IGF1R: variants seen among roughly 807,000 people sequenced by gnomAD.
The protein encoded by IGF1R is insulin like growth factor 1 receptor.
Under a neutral mutation model 144.6 loss-of-function variants are expected in IGF1R, and 44 were observed. The ratio of observed to expected loss-of-function variants is 0.30; its 90% confidence interval spans 0.24 to 0.39. The LOEUF is 0.39. Among genes scored for constraint, IGF1R ranks in the 10% least tolerant of loss-of-function variants. The pLI is 1.00. For synonymous variants in IGF1R, 795 were observed against 722.8 expected (o/e 1.10, Z -1.60); for missense variants, 1,355 against 1,833.7 (o/e 0.74, Z 4.77).
rs2141258150 is a variant in IGF1R, at chr15:98,707,274, C to T, written c.95-288C>T. On this transcript the variant is annotated intron_variant, in intron 1 of 20. Transcript: ENST00000650285. This position sits in a 1 kb window ranked among gnomAD's most constrained non-coding sequence, Gnocchi z 6.7. Reference sequence around the variant, plus strand: ...CTTTCGCCTCTGCCTCTGTGTGCCTCTGGGCTGTAAGCTTTAGTTTGCACG... The same window carrying T: ...CTTTCGCCTCTGCCTCTGTGTGCCTTTGGGCTGTAAGCTTTAGTTTGCACG... Among the ~76,000 whole-genome samples, 1 of 152,272 alleles carries T rather than the reference C, an allele frequency of 6.6e-6. No homozygotes were observed. The highest frequency in any genetic ancestry group is 2.1e-4 in the South Asian group (1 of 4,826).
At chr15:98,748,104 TC>T (rs2054913710) in intron 2 of IGF1R, among the ~76,000 whole-genome samples, 2 of 152,258 alleles carry the variant, frequency 1.3e-5, no homozygotes, top group South Asian at 4.1e-4. Context: ...GAGAAATGTT[TC>T]TCATGTGACA....
intron 2 of IGF1R, among the ~76,000 whole-genome samples, chr15:98,811,796 G>A (rs1418683241): frequency 6.6e-6 from 1 of 151,930 alleles, no homozygotes; most frequent in Non-Finnish European, 1.5e-5. Flanking sequence ...CGTGTTGGCG[G>A]GCGCCTGTAG....
intron 2 of IGF1R, among the ~76,000 whole-genome samples, chr15:98,762,087 A>G (rs910824829): frequency 2.6e-5 from 4 of 152,166 alleles, no homozygotes; most frequent in Non-Finnish European, 4.4e-5. Flanking sequence ...ACATTTTCCC[A>G]TCTTTGTGAT....
chr15:98,726,784 A>G (rs1465208637), intron 2 of IGF1R, among the ~76,000 whole-genome samples: 2 of 128,340 alleles, frequency 1.6e-5, no homozygotes, highest in African/African-American at 6.1e-5. Flanking sequence ...CAATGGTGTG[A>G]TCTTGGCTCA....
intron 9 of IGF1R, 130 bp downstream of exon 9, chr15:98,916,261 G>GTTTTTTTT: frequency 3.6e-6 from 2 of 555,666 alleles, no homozygotes; most frequent in African/African-American, 4.3e-5. Context: ...CTATCTTCTG[G>GTTTTTTTT]TTTTTTTTTT....
At chr15:98,687,275 T>G (rs1186894092) in intron 1 of IGF1R, among the ~76,000 whole-genome samples, 1 of 152,016 alleles carries the variant, frequency 6.6e-6, no homozygotes, top group Non-Finnish European at 1.5e-5. Flanking sequence ...ATGAGTGCAG[T>G]TGGGGTCCTG....
chr15:98,901,631 A>G (rs1253176564), intron 5 of IGF1R, among the ~76,000 whole-genome samples: 1 of 152,228 alleles, frequency 6.6e-6, no homozygotes, highest in African/African-American at 2.4e-5. Context: ...ACAGGATACG[A>G]TAGTCAGATA....
chr15:98,935,524 T>G lies in IGF1R; in HGVS notation c.3297+98T>G. 1.3e-6 allele frequency: 1 copy of G among 790,108 alleles called. No homozygotes were observed. Among genetic ancestry groups the G allele is most frequent in the East Asian group, 2.7e-5 (1 of 37,562 alleles). 48.9% of individuals were successfully genotyped at this position (790,108 alleles called of 1,614,324 possible). On this transcript the variant is annotated intron_variant, in intron 17 of 20. Transcript: ENST00000650285. The surrounding 1 kb of genome is among the most constrained non-coding windows in gnomAD (Gnocchi z 4.2). The stretch of plus-strand genomic sequence containing the variant: ...GAAATGCTGTGTCTTTAAATCAGTT[T>G]ACTTTCCAGCATCCAGTGTTTCTTA...
In IGF1R at chr15:98,648,793, C is replaced by T. The variant is rs2052256884; in HGVS notation, c.-789C>T. On this transcript the variant is annotated 5_prime_UTR_variant, in exon 1 of 21. Coordinates refer to ENST00000650285, the MANE Select transcript of IGF1R (RefSeq NM_000875.5). ...CTCCCGCGCGGGGGCAGCTCCACGG[C>T]GCGCCTCGCCTCGGCTGTGACCTTC... Among the ~76,000 whole-genome samples the T allele has an allele frequency of 1.4e-5, 2 of 144,688 alleles. No homozygotes were observed. The highest frequency in any genetic ancestry group is 2.1e-4 in the South Asian group (1 of 4,700). 94.9% of individuals were successfully genotyped at this position (144,688 alleles called of 152,430 possible).
intron 2 of IGF1R, among the ~76,000 whole-genome samples, chr15:98,843,365 A>AGATACTGT (rs1204584517): frequency 1.3e-5 from 2 of 152,314 alleles, no homozygotes; most frequent in Admixed American, 6.5e-5. Flanking sequence ...GTCAACTGAC[A>AGATACTGT]GATACTGTGC....
intron 2 of IGF1R, among the ~76,000 whole-genome samples, chr15:98,723,214 C>G (rs984314682): frequency 1.3e-5 from 2 of 152,104 alleles, no homozygotes; most frequent in Non-Finnish European, 2.9e-5. Flanking sequence ...CGTGAGGGTG[C>G]TGATTGAAGC....
At chr15:98,663,903 C>G (rs1329532656) in intron 1 of IGF1R, among the ~76,000 whole-genome samples, 1 of 152,242 alleles carries the variant, frequency 6.6e-6, no homozygotes, top group Non-Finnish European at 1.5e-5. Context: ...TGCTTTTGAA[C>G]TTGTGTTGAT....
intron 8 of IGF1R, among the ~76,000 whole-genome samples, chr15:98,915,084 C>T (rs965597042): frequency 6.6e-6 from 1 of 152,162 alleles, no homozygotes; most frequent in Non-Finnish European, 1.5e-5. Flanking sequence ...TAAGTGATAT[C>T]CAGTGAAGGT....
Position 98,949,970 on chromosome 15 carries a change from G to A in IGF1R, c.3722+1262G>A, listed in dbSNP as rs1029923687. Among the ~76,000 whole-genome samples, 8 of 152,338 alleles carry A rather than the reference G, an allele frequency of 5.3e-5. No individual in the cohort carries two copies. The South Asian group carries it at 1.7e-3, about 32-fold the overall frequency. Reference sequence around the variant, plus strand: ...GGCGCACAACAGGTACAGGTTGGGAGCAGTGGCCTTGCTTTTGACATGCAC... The same window carrying A: ...GGCGCACAACAGGTACAGGTTGGGAACAGTGGCCTTGCTTTTGACATGCAC... On this transcript the variant is annotated intron_variant, in intron 20 of 20. Coordinates refer to ENST00000650285, the MANE Select transcript of IGF1R (RefSeq NM_000875.5).
intron 3 of IGF1R, among the ~76,000 whole-genome samples, chr15:98,892,570 A>T (rs530995244): frequency 6.6e-6 from 1 of 151,782 alleles, no homozygotes; most frequent in South Asian, 2.1e-4. Context: ...AACAAATGCC[A>T]TATGCCCTTT....
chr15:98,873,372 T>G (rs544461654), intron 2 of IGF1R, among the ~76,000 whole-genome samples: 2 of 152,314 alleles, frequency 1.3e-5, no homozygotes, highest in East Asian at 1.9e-4. Context: ...CCTAGTCCAG[T>G]GTAAAGATAT....
At chr15:98,956,934 A>G in intron 20 of IGF1R, 127 bp from the exon 21 acceptor site, 2 of 1,052,056 alleles carry the variant, frequency 1.9e-6, no homozygotes, top group Non-Finnish European at 2.9e-6. Context: ...GGAGAGGGGC[A>G]GCAGGGCTGT....
intron 2 of IGF1R, among the ~76,000 whole-genome samples, chr15:98,800,917 G>A (rs1183132761): frequency 6.6e-6 from 1 of 152,192 alleles, no homozygotes; most frequent in Non-Finnish European, 1.5e-5. Context: ...TCATTTTAAA[G>A]GATATTGTTC....
chr15:98,733,900 T>C (rs1265202340), intron 2 of IGF1R, among the ~76,000 whole-genome samples: 2 of 152,174 alleles, frequency 1.3e-5, no homozygotes, highest in Admixed American at 6.5e-5. Context: ...GATAATTTAG[T>C]ACATTTGATC....
Sources: allele counts gnomAD v4.1 joint callset (sites outside exome capture counted in the v4.1 genomes callset), GRCh38; gene constraint gnomAD v4.1.1; non-coding constraint Gnocchi (gnomAD v3.1); transcripts MANE v1.5; gene names NCBI Gene and HGNC (gene_info 2026-07-23, HGNC 2026-07-21).